TMEM131: variants seen among roughly 807,000 people sequenced by gnomAD.
TMEM131 encodes the protein transmembrane protein 131, also known as 2610524E03Rik.
In TMEM131, 66 loss-of-function variants were observed where a neutral mutation model predicts 211.6. The observed-to-expected ratio is 0.31, with a 90% confidence interval of 0.26 to 0.38. The LOEUF (loss-of-function observed/expected upper bound fraction) is 0.38. Among genes scored for constraint, TMEM131 ranks in the 10% least tolerant of loss-of-function variants. The probability of loss-of-function intolerance (pLI) is 1.00; values close to 1 mark genes in which losing one functional copy is unlikely to be tolerated. For missense variants in TMEM131, 2,036 were observed against 2,299.3 expected, an observed-to-expected ratio of 0.89 and a Z score of 2.34; for synonymous variants, 844 against 841.3, an observed-to-expected ratio of 1.00 and a Z score of -0.06.
intron 1 of TMEM131, among the ~76,000 whole-genome samples, chr2:97,960,075 T>C (rs1678750211): frequency 6.6e-6 from 1 of 152,208 alleles, no homozygotes; most frequent in Non-Finnish European, 1.5e-5. Context: ...CTACTGGTGA[T>C]ATTAAATTGG....
chr2:97,811,449 G>C (rs368876592), intron 17 of TMEM131, among the ~76,000 whole-genome samples: 36 of 152,118 alleles, frequency 2.4e-4, no homozygotes, highest in African/African-American at 7.0e-4. Flanking sequence ...TGAAAAAGCT[G>C]GTTCCTGAAA....
At position 97,845,022 on chromosome 2, in the gene TMEM131, C is replaced by T. The variant is rs535032957; in HGVS notation, c.484-761G>A. 1.3e-4 allele frequency among the ~76,000 whole-genome samples: 19 copies of T among 151,994 alleles called. No individual in the cohort carries two copies. The South Asian group carries it at 3.5e-3, about 28-fold the overall frequency. Reference sequence around the variant, plus strand: ...TGGCTTCACCTTAGTCTGAAGAAAGCGAGAGTATGTCTCCTACATTACCAC... The same window carrying T: ...TGGCTTCACCTTAGTCTGAAGAAAGTGAGAGTATGTCTCCTACATTACCAC... On this transcript the variant is annotated intron_variant, in intron 5 of 40. Transcript: ENST00000186436.
At chr2:97,881,932 C>A (rs1447382070) in intron 4 of TMEM131, among the ~76,000 whole-genome samples, 1 of 152,122 alleles carries the variant, frequency 6.6e-6, no homozygotes, top group Non-Finnish European at 1.5e-5. Context: ...AAAAAACATA[C>A]AATAACTTTA....
At chr2:97,958,047 G>C (rs1318960563) in intron 1 of TMEM131, among the ~76,000 whole-genome samples, 1 of 152,194 alleles carries the variant, frequency 6.6e-6, no homozygotes, top group Non-Finnish European at 1.5e-5. Context: ...TGAACACGGA[G>C]GTTAAGGTAG....
chr2:97,800,488 G>A (rs7420897), intron 25 of TMEM131, among the ~76,000 whole-genome samples: 11,040 of 151,838 alleles, frequency 0.073, 480 homozygotes, highest in Middle Eastern at 0.12. Context: ...TGTGGCTCAC[G>A]CCTGTAATCC....
At chr2:97,798,976 T>C (rs1680896887) in intron 25 of TMEM131, among the ~76,000 whole-genome samples, 1 of 152,246 alleles carries the variant, frequency 6.6e-6, no homozygotes, top group Non-Finnish European at 1.5e-5. Flanking sequence ...GATGTTGTGA[T>C]GCCTCCCGTA....
At chr2:97,790,092 G>T (rs1680430345) in intron 31 of TMEM131, among the ~76,000 whole-genome samples, 1 of 152,200 alleles carries the variant, frequency 6.6e-6, no homozygotes, top group Non-Finnish European at 1.5e-5. Flanking sequence ...AAAAGAACGT[G>T]TTGCCTCTAA....
chr2:97,905,675 A>C (rs1407667873), intron 3 of TMEM131, among the ~76,000 whole-genome samples: 1 of 152,180 alleles, frequency 6.6e-6, no homozygotes, highest in Non-Finnish European at 1.5e-5. Flanking sequence ...TGAAATACTC[A>C]TTTCAGAAAC....
intron 2 of TMEM131, among the ~76,000 whole-genome samples, chr2:97,910,468 T>C (rs1431752803): frequency 2.0e-5 from 3 of 152,080 alleles, no homozygotes; most frequent in African/African-American, 4.8e-5. Flanking sequence ...CATTAAGGGG[T>C]AGAAGCAACC....
At chr2:97,931,558 G>GA (rs1190391599) in intron 1 of TMEM131, among the ~76,000 whole-genome samples, 2 of 152,014 alleles carry the variant, frequency 1.3e-5, no homozygotes, top group Non-Finnish European at 2.9e-5. Flanking sequence ...AATAACTCAT[G>GA]AAAAAAACAA....
chr2:97,893,948 T>A (rs1203219592), intron 3 of TMEM131, among the ~76,000 whole-genome samples: 1 of 152,238 alleles, frequency 6.6e-6, no homozygotes, highest in Non-Finnish European at 1.5e-5. Context: ...ATGAAGTCTT[T>A]GCCCATGCCT....
At chr2:97,843,785 CCTA>C (rs1034871121) in intron 6 of TMEM131, among the ~76,000 whole-genome samples, 1 of 152,004 alleles carries the variant, frequency 6.6e-6, no homozygotes, top group African/African-American at 2.4e-5. Flanking sequence ...TCAAAAAATA[CCTA>C]CTAAAGGAAA....
chr2:97,960,472 T>C (rs923299470), intron 1 of TMEM131, among the ~76,000 whole-genome samples: 9 of 152,152 alleles, frequency 5.9e-5, no homozygotes, highest in African/African-American at 1.9e-4. Context: ...AAGCCAGTTT[T>C]TGTGTTGTTC....
rs200135228 is a variant in TMEM131 at position 97,792,640 on chromosome 2, G to C, written c.3890C>G (p.Pro1297Arg). ...AGGAGGCTGAGGGTGCTGCTCCAGC[G>C]GGCTGTGGGCATGGTGCTGGCTGCC... ...QHGSQHHAHSPLEQHPQPPLP... is the reference protein window; with the variant it reads ...QHGSQHHAHSRLEQHPQPPLP... The change falls in exon 31 of 41, where the codon CCG (proline) becomes CGG (arginine). Residue 1297 changes from proline (P) to arginine (R), a missense_variant. This residue lies in a region of TMEM131 where 1,623 missense variants were observed against 1,805.9 expected (regional missense o/e 0.90). Transcript: ENST00000186436. 3 of 1,613,670 alleles carry C rather than the reference G, an allele frequency of 1.9e-6. No homozygotes were observed. The highest frequency in any genetic ancestry group is 2.5e-6 in the Non-Finnish European group (3 of 1,179,774).
intron 3 of TMEM131, among the ~76,000 whole-genome samples, chr2:97,888,481 A>AT (rs1430601057): frequency 6.6e-6 from 1 of 152,254 alleles, no homozygotes; most frequent in Non-Finnish European, 1.5e-5. Context: ...ACTTACATAC[A>AT]TTTAGCAGAC....
intron 11 of TMEM131, among the ~76,000 whole-genome samples, chr2:97,825,032 T>C (rs994036222): frequency 6.6e-6 from 1 of 152,234 alleles, no homozygotes; most frequent in Non-Finnish European, 1.5e-5. Context: ...CAAGAATGTC[T>C]TCTTCTGTAT....
chr2:97,866,201 A>G (rs936248186), intron 4 of TMEM131, among the ~76,000 whole-genome samples: 1 of 152,370 alleles, frequency 6.6e-6, no homozygotes, highest in African/African-American at 2.4e-5. Flanking sequence ...AAGTTTTTAA[A>G]TGACTAATGC....
intron 32 of TMEM131, among the ~76,000 whole-genome samples, chr2:97,775,498 T>C (rs1679681199): frequency 6.6e-6 from 1 of 152,228 alleles, no homozygotes; most frequent in East Asian, 1.9e-4. Flanking sequence ...TTTTGATCCT[T>C]AAAATCTGAA....
chr2:97,761,808 T>G, intron 36 of TMEM131: 1 of 478,396 alleles, frequency 2.1e-6, no homozygotes, highest in East Asian at 3.7e-5. Flanking sequence ...GGTCCACAGG[T>G]GGTAAGAATG....
Sources: gnomAD v4.1 joint callset for allele counts (sites outside exome capture counted in the v4.1 genomes callset) on GRCh38, gnomAD v4.1.1 for gene constraint, gnomAD v4.1.1 regional missense constraint, MANE v1.5 for transcripts, NCBI Gene and HGNC (gene_info 2026-07-23, HGNC 2026-07-21) for gene names.